Variants in COL15A1 observed in about 807,000 individuals in gnomAD.
The protein encoded by COL15A1 is collagen alpha-1(XV) chain.
A neutral mutation model predicts 165.9 loss-of-function variants in COL15A1; 111 were observed. The observed-to-expected ratio is 0.67, with a 90% confidence interval of 0.57 to 0.78. COL15A1 has a LOEUF of 0.78. COL15A1 is among the 30% of genes least tolerant of loss of function. The pLI, the probability that COL15A1 is intolerant of heterozygous loss-of-function variation, is 0.00. For synonymous variants in COL15A1, 659 were observed against 674.8 expected (o/e 0.98, Z 0.36); for missense variants, 1,745 against 1,789.7 (o/e 0.98, Z 0.45).
chr9:99,052,364 A>G (rs767472823), intron 30 of COL15A1, 24 bp from the exon 31 acceptor site: 1 of 1,602,330 alleles, frequency 6.2e-7, no homozygotes, highest in East Asian at 2.2e-5. Context: ...TGCAGTGCCT[A>G]ACCTGGCCTT....
At chr9:98,965,674 T>C (rs1453777937) in intron 2 of COL15A1, among the ~76,000 whole-genome samples, 1 of 152,212 alleles carries the variant, frequency 6.6e-6, no homozygotes, top group Non-Finnish European at 1.5e-5. Flanking sequence ...TCCACTGTGT[T>C]CACCTGTGTG....
In COL15A1 at chr9:99,069,663, T is replaced by A; in HGVS notation, c.3954-10T>A. The A allele has an allele frequency of 6.3e-7, 1 of 1,585,162 alleles. No homozygotes were observed. Among genetic ancestry groups the A allele is most frequent in the Non-Finnish European group, 8.6e-7 (1 of 1,161,342 alleles). On this transcript the variant is annotated splice_polypyrimidine_tract_variant and intron_variant, in intron 41 of 41. Coordinates refer to ENST00000375001, the MANE Select transcript of COL15A1 (RefSeq NM_001855.5). ...ATTTTGAAAAATAACATGACAAAAT[T>A]ACTTTATAGGCCCCAGAAAGTCATT...
At chr9:99,049,949 G>A (rs915119833) in intron 30 of COL15A1, 54 bp downstream of exon 30, 156 of 1,610,496 alleles carry the variant, frequency 9.7e-5, no homozygotes, top group Non-Finnish European at 1.2e-4. Flanking sequence ...TAGCAACTTG[G>A]AGAAAAAGAT....
chr9:99,038,541 C>T (rs1839344811), intron 21 of COL15A1, 127 bp from the exon 22 acceptor site: 1 of 642,086 alleles, frequency 1.6e-6, no homozygotes, highest in African/African-American at 1.8e-5. Context: ...TGGCAGTGGG[C>T]TGAGGGCGTT....
In COL15A1 at chr9:98,989,260, T is replaced by A. The variant is rs1432087176; in HGVS notation, c.804+2T>A. On this transcript the variant is annotated splice_donor_variant, in intron 5 of 41. Transcript: ENST00000375001. LOFTEE classifies it high-confidence loss of function. ...GCCGTCACCTACACTCAAGCCTCGG[T>A]GAGTACTGGGATGCTGTGCCATGTG... 1.9e-6 allele frequency: 3 copies of A among 1,612,296 alleles called. No homozygotes were observed. In the African/African-American group the frequency reaches 4.0e-5, roughly 22 times the overall value.
At chr9:99,055,844 C>T (rs561718744) in intron 34 of COL15A1, among the ~76,000 whole-genome samples, 1 of 152,302 alleles carries the variant, frequency 6.6e-6, no homozygotes, top group East Asian at 1.9e-4. Context: ...AAGAATATGA[C>T]TAGATCATTG....
At position 98,944,201 on chromosome 9, in the gene COL15A1, C is replaced by G; in HGVS notation, c.51C>G (p.Leu17=). Residue 17 remains leucine (L), a synonymous_variant, in exon 2 of 42, where the codon CTC becomes CTG. Transcript: ENST00000375001. ...AGTGCTGGTGTCTGCTGATGCTGCTCTCGGTCTCCACGCCCCTCCCTGCTG... is the reference window on the plus strand; with the variant it reads ...AGTGCTGGTGTCTGCTGATGCTGCTGTCGGTCTCCACGCCCCTCCCTGCTG... ...NGQCWCLLML[L]SVSTPLPAVT... 1 of 1,614,128 alleles carries G rather than the reference C, an allele frequency of 6.2e-7. No individual in the cohort carries two copies. Among genetic ancestry groups the G allele is most frequent in the Non-Finnish European group, 8.5e-7 (1 of 1,179,994 alleles).
intron 16 of COL15A1, among the ~76,000 whole-genome samples, chr9:99,033,857 C>A (rs1839251589): frequency 6.6e-6 from 1 of 152,166 alleles, no homozygotes; most frequent in Non-Finnish European, 1.5e-5. Context: ...CTACCACAGT[C>A]CTCTGATGTA....
At chr9:98,996,127 G>T (rs1838539350) in intron 5 of COL15A1, among the ~76,000 whole-genome samples, 1 of 152,230 alleles carries the variant, frequency 6.6e-6, no homozygotes, top group African/African-American at 2.4e-5. Flanking sequence ...GGTAAGTGAT[G>T]CTGCAGTAAC....
chr9:99,025,878 G>T (rs946826362), intron 15 of COL15A1, 26 bp from the exon 16 acceptor site: 2 of 1,609,800 alleles, frequency 1.2e-6, no homozygotes, highest in Admixed American at 3.4e-5. Context: ...AAATGTTGTG[G>T]GTTGATTGTC....
chr9:99,048,056 G>T, intron 28 of COL15A1, 56 bp downstream of exon 28: 2 of 948,282 alleles, frequency 2.1e-6, no homozygotes, highest in Non-Finnish European at 3.4e-6. Flanking sequence ...GTGAGAGAGT[G>T]TGGGGTCCAC....
At chr9:98,965,140 A>G (rs1426322560) in intron 2 of COL15A1, among the ~76,000 whole-genome samples, 1 of 152,186 alleles carries the variant, frequency 6.6e-6, no homozygotes, top group East Asian at 1.9e-4. Flanking sequence ...TTGGCAAGAA[A>G]AAGAAAGGGG....
At position 99,070,227 on chromosome 9, in the gene COL15A1, A is replaced by ATTG. The variant is rs1183965793; in HGVS notation, c.*348_*350dup. 1 of 246,822 alleles carries ATTG rather than the reference A, an allele frequency of 4.1e-6. No homozygotes were observed. The highest frequency in any genetic ancestry group is 2.3e-5 in the African/African-American group (1 of 43,372). The allele number at this position is 246,822 out of a possible 1,614,324, so 15.3% of individuals were successfully genotyped here. ...GACAGTTATATCCTCCTTTTAAACC[A>ATTG]TTGTTGTTGAGTGTAAGATGTCCTT... is the stretch of plus-strand genomic sequence containing the variant. On this transcript the variant is annotated 3_prime_UTR_variant, in exon 42 of 42. Coordinates refer to ENST00000375001, the MANE Select transcript of COL15A1 (RefSeq NM_001855.5).
rs546234016 is a variant in COL15A1 at position 98,984,695 on chromosome 9, G to T, written c.101-870G>T. Among the ~76,000 whole-genome samples, 8 of 152,308 alleles carry T rather than the reference G, an allele frequency of 5.3e-5. No homozygotes were observed. In the South Asian group the frequency reaches 1.5e-3, roughly 28 times the overall value. ...TGACGCAAATTTCAATTGCCTTGAG[G>T]CCTGGGAACACTTCACTGTGTCCCT... On this transcript the variant is annotated intron_variant, in intron 2 of 41. Transcript: ENST00000375001.
intron 2 of COL15A1, among the ~76,000 whole-genome samples, chr9:98,979,304 C>T (rs912030844): frequency 2.6e-5 from 4 of 152,214 alleles, no homozygotes; most frequent in African/African-American, 4.8e-5. Context: ...CCTCCCACCA[C>T]GTTATAACAA....
At chr9:99,052,959 C>T (rs539375785) in intron 31 of COL15A1, among the ~76,000 whole-genome samples, 1 of 152,360 alleles carries the variant, frequency 6.6e-6, no homozygotes, top group South Asian at 2.1e-4. Context: ...CTTCAGGCCC[C>T]ACCCTAGACC....
intron 39 of COL15A1, among the ~76,000 whole-genome samples, chr9:99,065,793 G>T (rs754004695): frequency 2.0e-5 from 3 of 151,440 alleles, no homozygotes; most frequent in Admixed American, 6.6e-5. Flanking sequence ...AATATCCAGA[G>T]ATGTGCAAGG....
rs531034543 is a variant in COL15A1, at chr9:98,948,336, C to T, written c.100+4086C>T. ...CTTGTCGGCCGGGCGCGGTGGCTCA[C>T]ACCTGTAATCCCAGCACTTTGGGAG... is the stretch of plus-strand genomic sequence containing the variant. On this transcript the variant is annotated intron_variant, in intron 2 of 41. Coordinates refer to ENST00000375001, the MANE Select transcript of COL15A1 (RefSeq NM_001855.5). Among the ~76,000 whole-genome samples, 20 of 152,268 alleles carry T rather than the reference C, an allele frequency of 1.3e-4. No homozygotes were observed. The South Asian group carries it at 1.5e-3, about 11-fold the overall frequency.
intron 9 of COL15A1, among the ~76,000 whole-genome samples, chr9:99,008,582 G>A (rs1437708813): frequency 1.3e-5 from 2 of 152,126 alleles, no homozygotes; most frequent in Non-Finnish European, 2.9e-5. Context: ...GTAGAAATAT[G>A]CTCCAAATTT....
Sources: gnomAD v4.1 joint callset for allele counts (sites outside exome capture counted in the v4.1 genomes callset) on GRCh38, gnomAD v4.1.1 for gene constraint, MANE v1.5 for transcripts, NCBI Gene and HGNC (gene_info 2026-07-23, HGNC 2026-07-21) for gene names.